The following ATG10 variants were observed in gnomAD, a reference collection of about 807,000 sequenced individuals.
The protein encoded by ATG10 is ubiquitin-like-conjugating enzyme ATG10.
Under a neutral mutation model 32.1 loss-of-function variants are expected in ATG10, and 30 were observed. That is an observed-to-expected ratio of 0.94 (90% CI 0.70 to 1.27). ATG10 has a LOEUF of 1.27. Among genes scored for constraint, ATG10 ranks in the 50% most tolerant of loss-of-function variants. ATG10 has a pLI of 0.00. For synonymous variants in ATG10, 87 were observed against 91.5 expected, an observed-to-expected ratio of 0.95 and a Z score of 0.28; for missense variants, 233 against 262.3, an observed-to-expected ratio of 0.89 and a Z score of 0.77.
chr5:82,005,361 G>T (rs1761963212), intron 2 of ATG10, among the ~76,000 whole-genome samples: 1 of 152,142 alleles, frequency 6.6e-6, no homozygotes, highest in African/African-American at 2.4e-5. Context: ...GTGGCACTGT[G>T]TCGGCTCACT....
chr5:82,044,227 A>C (rs1391407756), intron 2 of ATG10, among the ~76,000 whole-genome samples: 1 of 152,070 alleles, frequency 6.6e-6, no homozygotes, highest in Non-Finnish European at 1.5e-5. Context: ...CAGGAGAGAG[A>C]GCGAGCAAAG....
At position 82,034,339 on chromosome 5, in the gene ATG10, C is replaced by T. The variant is rs116942361; in HGVS notation, c.109-24156C>T. 2.1e-4 allele frequency among the ~76,000 whole-genome samples: 32 copies of T among 152,220 alleles called. No homozygotes were observed. The East Asian group carries it at 6.0e-3, about 28-fold the overall frequency. On this transcript the variant is annotated intron_variant, in intron 2 of 7. Coordinates refer to ENST00000282185, the MANE Select transcript of ATG10 (RefSeq NM_031482.5). ...TTTCTCTTACATTCCATGTTTGATCCATTAGCAAATCCTAATAACTCTATC... is the reference window on the plus strand; with the variant it reads ...TTTCTCTTACATTCCATGTTTGATCTATTAGCAAATCCTAATAACTCTATC...
intron 2 of ATG10, among the ~76,000 whole-genome samples, chr5:82,054,615 A>G (rs1432283448): frequency 6.6e-6 from 1 of 152,212 alleles, no homozygotes; most frequent in Non-Finnish European, 1.5e-5. Context: ...GTGTAAGACA[A>G]GTTTCTTAGA....
At chr5:82,114,148 A>G (rs1451130507) in intron 3 of ATG10, among the ~76,000 whole-genome samples, 1 of 152,048 alleles carries the variant, frequency 6.6e-6, no homozygotes, top group Admixed American at 6.6e-5. Flanking sequence ...TAAATAAATT[A>G]TAAGGAATTG....
At chr5:81,984,946 G>A (rs549784247) in intron 1 of ATG10, among the ~76,000 whole-genome samples, 2 of 152,264 alleles carry the variant, frequency 1.3e-5, no homozygotes, top group Admixed American at 1.3e-4. Context: ...AGCCATAAGT[G>A]TTTGTATTAT....
chr5:82,021,472 A>G (rs1387193623), intron 2 of ATG10, among the ~76,000 whole-genome samples: 1 of 152,208 alleles, frequency 6.6e-6, no homozygotes, highest in East Asian at 1.9e-4. Flanking sequence ...TCATCTCTAG[A>G]TTACTTACAA....
intron 5 of ATG10, among the ~76,000 whole-genome samples, chr5:82,244,478 T>C (rs1746937961): frequency 6.6e-6 from 1 of 152,156 alleles, no homozygotes; most frequent in African/African-American, 2.4e-5. Flanking sequence ...TGTAAAGCGC[T>C]TAATACGGTG....
chr5:82,192,590 T>C (rs978132415), intron 5 of ATG10, among the ~76,000 whole-genome samples: 2 of 152,226 alleles, frequency 1.3e-5, no homozygotes, highest in Non-Finnish European at 2.9e-5. Flanking sequence ...TAGGAAATTA[T>C]TTCTACATAA....
intron 3 of ATG10, among the ~76,000 whole-genome samples, chr5:82,064,433 A>G (rs1763878628): frequency 6.6e-6 from 1 of 152,102 alleles, no homozygotes; most frequent in Non-Finnish European, 1.5e-5. Flanking sequence ...ATGTGAATGG[A>G]TATCAAACTT....
chr5:82,009,827 G>A, intron 2 of ATG10: 1 of 1,607,356 alleles, frequency 6.2e-7, no homozygotes, highest in Non-Finnish European at 8.5e-7. Context: ...TATGCTTTAG[G>A]ATGAAGTTCT....
chr5:82,211,342 G>C (rs751559537), intron 5 of ATG10, among the ~76,000 whole-genome samples: 4 of 151,812 alleles, frequency 2.6e-5, no homozygotes, highest in Non-Finnish European at 5.9e-5. Context: ...ATAATCTACA[G>C]GTTCTGGATT....
chr5:82,087,926 C>G (rs551894486), intron 3 of ATG10, among the ~76,000 whole-genome samples: 1 of 152,200 alleles, frequency 6.6e-6, no homozygotes, highest in Non-Finnish European at 1.5e-5. Flanking sequence ...TATTTCCAAA[C>G]TTATCAAGTT....
intron 5 of ATG10, among the ~76,000 whole-genome samples, chr5:82,192,270 T>G (rs1441632550): frequency 2.6e-5 from 4 of 152,070 alleles, no homozygotes; most frequent in African/African-American, 7.2e-5. Flanking sequence ...AGGCGGTAGG[T>G]TGGATGGTGT....
intron 5 of ATG10, among the ~76,000 whole-genome samples, chr5:82,251,048 G>A (rs959701530): frequency 7.2e-5 from 11 of 152,146 alleles, no homozygotes; most frequent in African/African-American, 2.4e-4. Context: ...CCTGGAGATG[G>A]CACTCAGGGA....
chr5:81,985,429 C>T (rs1440434426), intron 1 of ATG10, among the ~76,000 whole-genome samples: 1 of 152,154 alleles, frequency 6.6e-6, no homozygotes, highest in Non-Finnish European at 1.5e-5. Context: ...ATTGCCAGCC[C>T]GGATTTCTCT....
chr5:82,239,264 C>T (rs989898823), intron 5 of ATG10, among the ~76,000 whole-genome samples: 1 of 152,136 alleles, frequency 6.6e-6, no homozygotes, highest in Non-Finnish European at 1.5e-5. Flanking sequence ...ATGGAACAGG[C>T]AGCATATGCC....
intron 2 of ATG10, among the ~76,000 whole-genome samples, chr5:82,045,401 A>G (rs924432149): frequency 1.3e-5 from 2 of 152,154 alleles, no homozygotes; most frequent in African/African-American, 4.8e-5. Flanking sequence ...GGAACACAGC[A>G]GTGGGAGAAC....
chr5:82,104,463 G>A (rs1765383488), intron 3 of ATG10, among the ~76,000 whole-genome samples: 1 of 151,194 alleles, frequency 6.6e-6, no homozygotes, highest in African/African-American at 2.4e-5. Context: ...ATGAAATTTT[G>A]TGCAATTATA....
intron 2 of ATG10, among the ~76,000 whole-genome samples, chr5:82,052,658 C>T (rs1763467487): frequency 1.3e-5 from 2 of 152,224 alleles, no homozygotes; most frequent in African/African-American, 4.8e-5. Flanking sequence ...CCAGTGATAC[C>T]ATGGTCTTGG....
Sources: allele counts gnomAD v4.1 joint callset (sites outside exome capture counted in the v4.1 genomes callset), GRCh38; gene constraint gnomAD v4.1.1; transcripts MANE v1.5; gene names NCBI Gene and HGNC (gene_info 2026-07-23, HGNC 2026-07-21).